The following RFFL variants were observed in gnomAD, a reference collection of about 807,000 sequenced individuals.
The protein encoded by RFFL is E3 ubiquitin-protein ligase rififylin.
RFFL carries 16 observed loss-of-function variants against 40.4 expected under a neutral mutation model. That is an observed-to-expected ratio of 0.40 (90% CI 0.27 to 0.60). RFFL has a LOEUF of 0.60. Ranked by LOEUF, RFFL falls within the 20% of genes least tolerant of loss-of-function variation. RFFL has a pLI of 0.47. For missense variants in RFFL, 367 were observed against 451.7 expected, an observed-to-expected ratio of 0.81 and a Z score of 1.70; for synonymous variants, 154 against 167.9, an observed-to-expected ratio of 0.92 and a Z score of 0.64.
At chr17:35,025,545 C>A (rs2091035767) in intron 2 of RFFL, among the ~76,000 whole-genome samples, 1 of 152,158 alleles carries the variant, frequency 6.6e-6, no homozygotes, top group Non-Finnish European at 1.5e-5. Flanking sequence ...TTAAACAGTC[C>A]TTTGCACATA....
At chr17:35,013,546 T>G (rs1181989586) in intron 6 of RFFL, among the ~76,000 whole-genome samples, 1 of 152,148 alleles carries the variant, frequency 6.6e-6, no homozygotes, top group African/African-American at 2.4e-5. Flanking sequence ...CCTTATTGCA[T>G]CTATACTTTC....
intron 1 of RFFL, among the ~76,000 whole-genome samples, chr17:35,040,628 T>A (rs1169971666): frequency 3.4e-5 from 5 of 148,662 alleles, no homozygotes; most frequent in Non-Finnish European, 7.5e-5. Flanking sequence ...AAAAAAAAAA[T>A]AAAAAATACT....
rs2142311199 is a variant in RFFL, at chr17:35,011,922, C to T, written c.*46G>A. 6.3e-7 allele frequency: 1 copy of T among 1,586,612 alleles called. No homozygotes were observed. The highest frequency in any genetic ancestry group is 8.6e-7 in the Non-Finnish European group (1 of 1,160,606). The stretch of plus-strand genomic sequence containing the variant: ...GCTGGCCAACCCTGAGCCCAGACAC[C>T]CCAGGCTATTTCCCTGTAAGGCACT... On this transcript the variant is annotated 3_prime_UTR_variant, in exon 7 of 7. Coordinates refer to ENST00000394597, the MANE Select transcript of RFFL (RefSeq NM_001017368.2).
At chr17:35,018,170 G>A (rs1184589531) in intron 3 of RFFL, among the ~76,000 whole-genome samples, 1 of 152,060 alleles carries the variant, frequency 6.6e-6, no homozygotes, top group Non-Finnish European at 1.5e-5. Context: ...CACCACCCTA[G>A]TCTCTTTCTT....
chr17:35,014,990 G>A (rs1278547478), intron 5 of RFFL, among the ~76,000 whole-genome samples: 1 of 152,034 alleles, frequency 6.6e-6, no homozygotes, highest in Non-Finnish European at 1.5e-5. Flanking sequence ...TTTTTGAGAT[G>A]GAGCCTCACT....
chr17:35,070,024 CAT>C (rs935806381), intron 1 of RFFL, among the ~76,000 whole-genome samples: 1 of 151,960 alleles, frequency 6.6e-6, no homozygotes, highest in African/African-American at 2.4e-5. Flanking sequence ...TACACACATA[CAT>C]ATATATACAT....
chr17:35,049,264 G>T (rs1374877367), intron 1 of RFFL, among the ~76,000 whole-genome samples: 1 of 152,018 alleles, frequency 6.6e-6, no homozygotes, highest in Non-Finnish European at 1.5e-5. Context: ...AAAGTGGAAG[G>T]ACAGATGATT....
At chr17:35,060,799 T>C (rs1208892703) in intron 1 of RFFL, among the ~76,000 whole-genome samples, 2 of 152,164 alleles carry the variant, frequency 1.3e-5, no homozygotes, top group African/African-American at 4.8e-5. Context: ...GAGATCCACG[T>C]CAGCCACTCT....
Position 35,006,468 on chromosome 17 carries a change from A to T in RFFL, c.*5500T>A, listed in dbSNP as rs2090896019. 1 of 152,268 alleles carries T rather than the reference A, an allele frequency of 6.6e-6. No homozygotes were observed. The highest frequency in any genetic ancestry group is 1.5e-5 in the Non-Finnish European group (1 of 68,094). 9.4% of individuals were successfully genotyped at this position (152,268 alleles called of 1,614,324 possible). ...CCTCCAAGTAGAATGGGTGCACCTA[A>T]ATCATAGGGTTGTCCTGTTGTCCTG... On this transcript the variant is annotated 3_prime_UTR_variant, in exon 7 of 7. Transcript: ENST00000394597.
upstream of RFFL, among the ~76,000 whole-genome samples, chr17:35,066,993 T>A (rs2091323850): frequency 1.3e-5 from 2 of 152,004 alleles, no homozygotes; most frequent in Admixed American, 6.6e-5. Flanking sequence ...TTTATGATAC[T>A]CAACAATTAA....
In RFFL at chr17:35,008,133, G is replaced by A. The variant is rs540677400; in HGVS notation, c.*3835C>T. On this transcript the variant is annotated 3_prime_UTR_variant, in exon 7 of 7. Transcript: ENST00000394597. ...CCCAGGGTAACCTGAAGACCTAACT[G>A]GGCATACTAACTGTCCTCAGATTTC... 2.2e-4 allele frequency: 34 copies of A among 152,316 alleles called. No homozygotes were observed. Among genetic ancestry groups the A allele is most frequent in the African/African-American group, 7.9e-4 (33 of 41,556 alleles). The allele number at this position is 152,316 out of a possible 1,614,324, so 9.4% of individuals were successfully genotyped here. A position where few individuals can be genotyped will look rare whatever the true frequency, so the allele number is the denominator to read the frequency against.
intron 1 of RFFL, chr17:35,073,839 C>A (rs1256552295): frequency 2.0e-5 from 3 of 152,018 alleles, no homozygotes; most frequent in Admixed American, 6.6e-5. Context: ...TCTTCTCTAA[C>A]CTAATGCTTT....
chr17:35,037,600 C>T (rs2091131887), intron 1 of RFFL, among the ~76,000 whole-genome samples: 1 of 152,160 alleles, frequency 6.6e-6, no homozygotes, highest in Non-Finnish European at 1.5e-5. Flanking sequence ...GTGATCCTCA[C>T]AATTCTGGCA....
intron 1 of RFFL, among the ~76,000 whole-genome samples, chr17:35,070,084 G>A (rs1286685864): frequency 1.3e-5 from 2 of 151,094 alleles, no homozygotes; most frequent in Non-Finnish European, 2.9e-5. Flanking sequence ...GAGCGAGCGA[G>A]CACGCACACA....
chr17:35,050,162 C>T (rs2142355935), intron 1 of RFFL, among the ~76,000 whole-genome samples: 1 of 152,082 alleles, frequency 6.6e-6, no homozygotes, highest in South Asian at 2.1e-4. Context: ...GGGAGGATCA[C>T]TTGAGCCTGG....
intron 1 of RFFL, among the ~76,000 whole-genome samples, chr17:35,061,613 A>C (rs2091291396): frequency 6.7e-6 from 1 of 148,484 alleles, no homozygotes; most frequent in Non-Finnish European, 1.5e-5. Flanking sequence ...ACTGGCCACC[A>C]TGCGTGGCGT....
At chr17:35,060,556 A>G (rs2091285206) in intron 1 of RFFL, among the ~76,000 whole-genome samples, 1 of 152,162 alleles carries the variant, frequency 6.6e-6, no homozygotes, top group African/African-American at 2.4e-5. Context: ...CGCAAATAAA[A>G]CCATATGAGG....
chr17:35,012,668 C>T (rs552894716), intron 6 of RFFL, among the ~76,000 whole-genome samples: 1 of 152,194 alleles, frequency 6.6e-6, no homozygotes, highest in Non-Finnish European at 1.5e-5. Context: ...TCATGGGGGA[C>T]CCCTCTGCTA....
intron 1 of RFFL, among the ~76,000 whole-genome samples, chr17:35,039,301 C>A (rs1346277085): frequency 6.6e-6 from 1 of 152,144 alleles, no homozygotes; most frequent in Non-Finnish European, 1.5e-5. Flanking sequence ...CTCACTGCAA[C>A]CTCCGCCTGC....
Sources: gnomAD v4.1 joint callset for allele counts (sites outside exome capture counted in the v4.1 genomes callset) on GRCh38, gnomAD v4.1.1 for gene constraint, MANE v1.5 for transcripts, NCBI Gene and HGNC (gene_info 2026-07-23, HGNC 2026-07-21) for gene names.